The following WDFY3 variants were observed in gnomAD, a reference collection of about 807,000 sequenced individuals.
WDFY3 encodes WD repeat and FYVE domain containing 3.
WDFY3 carries 66 observed loss-of-function variants against 409.6 expected under a neutral mutation model. The ratio of observed to expected loss-of-function variants is 0.16; its 90% confidence interval spans 0.13 to 0.20. WDFY3 has a LOEUF of 0.20. WDFY3 is among the 10% of genes least tolerant of loss of function. The pLI, the probability that WDFY3 is intolerant of heterozygous loss-of-function variation, is 1.00. For missense variants in WDFY3, 3,031 were observed against 4,298.1 expected (o/e 0.71, Z 8.24); for synonymous variants, 1,521 against 1,537.1 (o/e 0.99, Z 0.25).
chr4:84,724,380 A>AATGTTCC, intron 46 of WDFY3, 46 bp downstream of exon 46: 1 of 1,558,282 alleles, frequency 6.4e-7, no homozygotes, highest in Non-Finnish European at 8.7e-7. Context: ...CAAATACAAG[A>AATGTTCC]ATGTTCCAAA....
intron 40 of WDFY3, 43 bp from the exon 41 acceptor site, chr4:84,737,409 A>T (rs1737634394): frequency 6.6e-7 from 1 of 1,513,538 alleles, no homozygotes. Flanking sequence ...TAAGCAAATG[A>T]TCAAAACACA....
chr4:84,736,479 T>G, intron 41 of WDFY3, 152 bp from the exon 42 acceptor site: 1 of 733,616 alleles, frequency 1.4e-6, no homozygotes. Flanking sequence ...TATCACAAAT[T>G]TATTTATTGG....
At chr4:84,692,799 C>A in intron 59 of WDFY3, 86 bp downstream of exon 59, 1 of 1,376,956 alleles carries the variant, frequency 7.3e-7, no homozygotes. Context: ...ATGCTATCGT[C>A]AAAAAGCAAA....
intron 2 of WDFY3, among the ~76,000 whole-genome samples, chr4:84,929,092 CTT>C (rs897327336): frequency 5.3e-5 from 8 of 152,282 alleles, no homozygotes; most frequent in South Asian, 2.1e-4. Context: ...CTCACCGTCT[CTT>C]GTTAGCTTGC....
chr4:84,938,461 C>T (rs956441673), intron 1 of WDFY3, among the ~76,000 whole-genome samples: 11 of 152,004 alleles, frequency 7.2e-5, no homozygotes, highest in Non-Finnish European at 1.6e-4. Context: ...AGACTCTGGC[C>T]GTCCACAGAA....
rs1400028105 is a variant in WDFY3, at chr4:84,801,833, T to G, written c.2639A>C (p.Asn880Thr). 2.5e-6 allele frequency: 4 copies of G among 1,614,080 alleles called. No individual in the cohort carries two copies. In the South Asian group the frequency reaches 4.4e-5, roughly 18 times the overall value. Residue 880 changes from asparagine (N) to threonine (T), a missense_variant, in exon 17 of 68, where the codon AAT becomes ACT. Coordinates refer to ENST00000295888, the MANE Select transcript of WDFY3 (RefSeq NM_014991.6). ...TGTGTGCACCAGGGATTGTAAAATA[T>G]TTGCCACGGCAAGTTGAAGATCCAA... Reference protein sequence around the residue: ...HALDLQLAVANILQSLVHTER... With the variant: ...HALDLQLAVATILQSLVHTER...
At chr4:84,921,563 GTTAC>G (rs760076356) in intron 2 of WDFY3, among the ~76,000 whole-genome samples, 1 of 144,724 alleles carries the variant, frequency 6.9e-6, no homozygotes, top group Non-Finnish European at 1.5e-5. Flanking sequence ...TTTATCAAAT[GTTAC>G]TTGAGGACAG....
intron 3 of WDFY3, among the ~76,000 whole-genome samples, chr4:84,880,669 CCATA>C (rs1279514515): frequency 6.3e-5 from 3 of 47,284 alleles, no homozygotes; most frequent in African/African-American, 2.9e-4. Context: ...AATAAGGGAA[CCATA>C]CATATATATA....
At chr4:84,811,416 T>A (rs1457750266) in intron 13 of WDFY3, among the ~76,000 whole-genome samples, 2 of 152,210 alleles carry the variant, frequency 1.3e-5, no homozygotes, top group African/African-American at 4.8e-5. Context: ...TCAACAATCC[T>A]ATGGGTAAGG....
chr4:84,801,931 C>A, intron 16 of WDFY3, 67 bp from the exon 17 acceptor site: 5 of 1,456,896 alleles, frequency 3.4e-6, no homozygotes, highest in Non-Finnish European at 3.8e-6. Flanking sequence ...ATTCTTTTCA[C>A]ATGAAGCATA....
intron 1 of WDFY3, chr4:84,965,793 G>C (rs901400777): frequency 6.6e-6 from 1 of 152,504 alleles, no homozygotes; most frequent in South Asian, 2.1e-4. Context: ...GCAGCGGGGG[G>C]GGGCCAGGGC....
chr4:84,849,903 T>C lies in WDFY3; in HGVS notation c.303A>G (p.Thr101=), dbSNP rs1413995130. 38 of 1,611,518 alleles carry C rather than the reference T, an allele frequency of 2.4e-5. No homozygotes were observed. Among genetic ancestry groups the C allele is most frequent in the Non-Finnish European group, 3.1e-5 (37 of 1,179,364 alleles). The change falls in exon 5 of 68, where the codon ACA becomes ACG. Residue 101 remains threonine (T), a splice_region_variant and synonymous_variant. Transcript: ENST00000295888. ...EIRRRASNKS[T]EAASRAIVQF... ...TTTTGCTGGCTACTGTAAAAATACC[T>C]GTGGATTTGTTTGATGCTCTCCTTC...
At position 84,737,366 on chromosome 4, in the gene WDFY3, C is replaced by A; in HGVS notation, c.6575G>T (p.Gly2192Val). The A allele has an allele frequency of 6.5e-7, 1 of 1,542,118 alleles. No homozygotes were observed. Among genetic ancestry groups the A allele is most frequent in the Non-Finnish European group, 8.7e-7 (1 of 1,145,588 alleles). Residue 2192 changes from glycine (G) to valine (V), a missense_variant and splice_region_variant, in exon 41 of 68, where the codon GGG (glycine) becomes GTG (valine). Physicochemically the swap from Gly to Val is moderately radical, Grantham distance 109. Transcript: ENST00000295888. ...GACAGCTTTTATGAGAAGCTGACGC[C>A]CTAGTAAACAAACAAACAAACAAAC... ...DGSYSQDISE[G>V]RQLLIKAVNR...
chr4:84,830,306 T>C (rs1459321291), intron 8 of WDFY3, among the ~76,000 whole-genome samples: 1 of 152,200 alleles, frequency 6.6e-6, no homozygotes, highest in African/African-American at 2.4e-5. Flanking sequence ...TGTAACCATA[T>C]AAGCATTGTT....
chr4:84,944,878 T>C (rs540038543), intron 1 of WDFY3, among the ~76,000 whole-genome samples: 1 of 152,190 alleles, frequency 6.6e-6, no homozygotes, highest in Non-Finnish European at 1.5e-5. Context: ...ACTTATAGAA[T>C]ATATTATTAC....
At chr4:84,686,098 G>A (rs1013538133) in intron 62 of WDFY3, among the ~76,000 whole-genome samples, 18 of 152,162 alleles carry the variant, frequency 1.2e-4, no homozygotes, top group Non-Finnish European at 2.2e-4. Flanking sequence ...AAGGTCAGGA[G>A]ATCGAAACCA....
chr4:84,793,800 G>T (rs1046754465), intron 21 of WDFY3, among the ~76,000 whole-genome samples: 1 of 152,106 alleles, frequency 6.6e-6, no homozygotes, highest in African/African-American at 2.4e-5. Flanking sequence ...CTAATTAAAA[G>T]ACTAACATTC....
rs112622207 is a variant in WDFY3 at position 84,860,577 on chromosome 4, C to T, written c.15G>A (p.Lys5=). The change falls in exon 4 of 68, where the codon AAG becomes AAA. Residue 5 remains lysine (K), a synonymous_variant. Transcript: ENST00000295888. MNMV[K]RIMGRPRQEE... ...CCTGCCTCGGCCGCCCCATGATCCT[C>T]TTCACCATGTTCATCTTGGCTGGTT... 2.5e-6 allele frequency: 4 copies of T among 1,606,216 alleles called. No homozygotes were observed. Among genetic ancestry groups the T allele is most frequent in the Non-Finnish European group, 2.6e-6 (3 of 1,174,604 alleles).
At chr4:84,844,493 C>G (rs1436828242) in intron 5 of WDFY3, 1 of 1,289,552 alleles carries the variant, frequency 7.8e-7, no homozygotes, top group Admixed American at 2.3e-5. Flanking sequence ...TGGGGGACAG[C>G]AGGGCACACT....
Sources: allele counts gnomAD v4.1 joint callset (sites outside exome capture counted in the v4.1 genomes callset), GRCh38; gene constraint gnomAD v4.1.1; transcripts MANE v1.5; gene names NCBI Gene and HGNC (gene_info 2026-07-23, HGNC 2026-07-21).